The following MGAT4C variants were observed in gnomAD, a reference collection of about 807,000 sequenced individuals.
MGAT4C encodes alpha-1,3-mannosyl-glycoprotein 4-beta-N-acetylglucosaminyltransferase C.
In MGAT4C, 19 loss-of-function variants were observed where a neutral mutation model predicts 40.1. The observed-to-expected ratio is 0.47, with a 90% confidence interval of 0.33 to 0.70. The LOEUF is 0.70. Ranked by LOEUF, MGAT4C falls within the 30% of genes least tolerant of loss-of-function variation. MGAT4C has a pLI of 0.02. For synonymous variants in MGAT4C, 181 were observed against 187.1 expected (o/e 0.97, Z 0.27); for missense variants, 491 against 563.2 (o/e 0.87, Z 1.30).
At chr12:86,548,554 T>C (rs1959218077) in intron 2 of MGAT4C, among the ~76,000 whole-genome samples, 1 of 152,080 alleles carries the variant, frequency 6.6e-6, no homozygotes, top group African/African-American at 2.4e-5. Flanking sequence ...GTCTACTGTG[T>C]AGCATACAAA....
At chr12:86,432,805 T>C (rs185659515) in intron 3 of MGAT4C, among the ~76,000 whole-genome samples, 185 of 152,180 alleles carry the variant, frequency 1.2e-3, no homozygotes, top group African/African-American at 4.3e-3. Context: ...GGAAAGAAAG[T>C]GTAACAAAAC....
chr12:86,107,994 C>A (rs756360898), intron 1 of MGAT4C, among the ~76,000 whole-genome samples: 30 of 152,050 alleles, frequency 2.0e-4, no homozygotes, highest in Non-Finnish European at 3.7e-4. Flanking sequence ...AATTAACCAA[C>A]TGATGATGTT....
chr12:86,420,704 T>C (rs1368538834), intron 3 of MGAT4C, among the ~76,000 whole-genome samples: 8 of 151,524 alleles, frequency 5.3e-5, no homozygotes, highest in African/African-American at 1.9e-4. Flanking sequence ...AATTTAGAAA[T>C]ATATCCAGTT....
chr12:86,252,611 A>G (rs1286842667), intron 1 of MGAT4C, among the ~76,000 whole-genome samples: 2 of 151,990 alleles, frequency 1.3e-5, no homozygotes, highest in East Asian at 3.9e-4. Flanking sequence ...CTACCAAGAC[A>G]GTGAAAAAAT....
intron 3 of MGAT4C, among the ~76,000 whole-genome samples, chr12:86,342,767 T>G (rs1188559278): frequency 1.3e-5 from 2 of 152,160 alleles, no homozygotes; most frequent in Non-Finnish European, 2.9e-5. Flanking sequence ...GTCATATATT[T>G]CCAGTATCTA....
chr12:86,834,156 CTATA>C, intron 1 of MGAT4C, among the ~76,000 whole-genome samples: 1 of 146,762 alleles, frequency 6.8e-6, no homozygotes, highest in Admixed American at 6.9e-5. Flanking sequence ...ACAGATCTAT[CTATA>C]GATAGAGATA....
chr12:86,635,776 C>T (rs1454693720), intron 2 of MGAT4C, among the ~76,000 whole-genome samples: 1 of 151,560 alleles, frequency 6.6e-6, no homozygotes, highest in Admixed American at 6.6e-5. Flanking sequence ...TCCTGGGCTC[C>T]AGGGATGCTC....
intron 4 of MGAT4C, among the ~76,000 whole-genome samples, chr12:86,293,264 T>C (rs559968629): frequency 7.9e-5 from 12 of 152,292 alleles, no homozygotes; most frequent in African/African-American, 2.9e-4. Flanking sequence ...AAAATAGATA[T>C]TGTTAGTTTA....
intron 3 of MGAT4C, among the ~76,000 whole-genome samples, chr12:86,432,355 G>A (rs1461386531): frequency 6.6e-6 from 1 of 152,100 alleles, no homozygotes; most frequent in Admixed American, 6.6e-5. Context: ...GGTATTTAGA[G>A]AGGGATGTGT....
At chr12:86,355,292 G>A (rs1224548402) in intron 3 of MGAT4C, among the ~76,000 whole-genome samples, 11 of 152,262 alleles carry the variant, frequency 7.2e-5, no homozygotes. Flanking sequence ...AGACAGAAAT[G>A]TTCTCCAAGT....
chr12:86,769,563 C>T (rs1404587287), intron 1 of MGAT4C, among the ~76,000 whole-genome samples: 1 of 152,156 alleles, frequency 6.6e-6, no homozygotes, highest in Non-Finnish European at 1.5e-5. Context: ...GACATATGCA[C>T]ACGTATGTTT....
chr12:85,980,369 T>G lies in MGAT4C; in HGVS notation c.357A>C (p.Thr119=). 6.2e-7 allele frequency: 1 copy of G among 1,613,174 alleles called. No homozygotes were observed. The highest frequency in any genetic ancestry group is 8.5e-7 in the Non-Finnish European group (1 of 1,179,662). The change falls in exon 5 of 5, where the codon ACA becomes ACC. Residue 119 remains threonine (T), a synonymous_variant. Transcript: ENST00000611864. ...KRKKGNYLLE[T]IKSIFEQSSY... ...TGGATTGCTCAAAAATTGACTTAAT[T>G]GTCTCAAGTAAATAGTTTCCTTTTT...
At chr12:86,565,722 C>T (rs4344564) in intron 2 of MGAT4C, among the ~76,000 whole-genome samples, 129,575 of 152,202 alleles carry the variant, frequency 0.85, 55,693 homozygotes, top group South Asian at 0.96. Context: ...ACTGTGAAGA[C>T]ATTTGTATCC....
At chr12:86,220,158 T>C (rs939764209) in intron 1 of MGAT4C, among the ~76,000 whole-genome samples, 1 of 152,082 alleles carries the variant, frequency 6.6e-6, no homozygotes. Context: ...TGTACACTCA[T>C]TGGGGACCTC....
chr12:86,273,935 A>C (rs1021028551), intron 4 of MGAT4C, among the ~76,000 whole-genome samples: 2 of 152,198 alleles, frequency 1.3e-5, no homozygotes, highest in African/African-American at 4.8e-5. Flanking sequence ...AAAAAATACC[A>C]TGTAATTTAT....
chr12:86,796,346 A>G (rs1952118890), intron 1 of MGAT4C, among the ~76,000 whole-genome samples: 1 of 152,020 alleles, frequency 6.6e-6, no homozygotes, highest in Non-Finnish European at 1.5e-5. Flanking sequence ...AATAACATAC[A>G]ACATGCCCTT....
intron 2 of MGAT4C, among the ~76,000 whole-genome samples, chr12:86,035,760 G>A (rs924086305): frequency 2.0e-5 from 3 of 149,912 alleles, no homozygotes; most frequent in African/African-American, 7.3e-5. Flanking sequence ...TATATAAGGT[G>A]TAAGGAGGGA....
intron 2 of MGAT4C, among the ~76,000 whole-genome samples, chr12:86,046,205 T>G (rs570810740): frequency 3.9e-5 from 6 of 152,204 alleles, no homozygotes; most frequent in Non-Finnish European, 8.8e-5. Context: ...GTACCCCATT[T>G]CTGGTATGAC....
At chr12:86,517,489 TAAC>T (rs1488059630) in intron 2 of MGAT4C, among the ~76,000 whole-genome samples, 1 of 152,190 alleles carries the variant, frequency 6.6e-6, no homozygotes, top group Non-Finnish European at 1.5e-5. Context: ...TTCAAATGTC[TAAC>T]AATACCACAC....
Sources: allele counts gnomAD v4.1 joint callset (sites outside exome capture counted in the v4.1 genomes callset), GRCh38; gene constraint gnomAD v4.1.1; transcripts MANE v1.5; gene names NCBI Gene and HGNC (gene_info 2026-07-23, HGNC 2026-07-21).